PARN: variants seen among roughly 807,000 people sequenced by gnomAD.
PARN encodes poly(A)-specific ribonuclease PARN.
In PARN, 71 loss-of-function variants were observed where a neutral mutation model predicts 102.8. The ratio of observed to expected loss-of-function variants is 0.69; its 90% CI spans 0.57 to 0.84. PARN has a LOEUF of 0.84. Among genes scored for constraint, PARN ranks in the 40% least tolerant of loss-of-function variants. PARN has a pLI of 0.00. For missense variants in PARN, 782 were observed against 760.9 expected (o/e 1.03, Z -0.33); for synonymous variants, 261 against 252.9 (o/e 1.03, Z -0.30).
At position 14,599,919 on chromosome 16, in the gene PARN, G is replaced by A. The variant is rs374114285; in HGVS notation, c.825C>T (p.His275=). ...GCTCACTTACCGAATTAGCAATGGC[G>A]TGAATGACTCTAGAAAATCCCACAG... ...NDAVGFSRVI[H]AIANSGKLVI... The change falls in exon 12 of 24, where the codon CAC becomes CAT. Residue 275 remains histidine (H), a synonymous_variant. Transcript: ENST00000437198. The A allele has an allele frequency of 8.0e-4, 1,289 of 1,601,662 alleles. No individual in the cohort carries two copies. Among genetic ancestry groups the A allele is most frequent in the Non-Finnish European group, 9.0e-4 (1,050 of 1,172,338 alleles).
At chr16:14,449,810 T>A (rs1238262391) in intron 22 of PARN, among the ~76,000 whole-genome samples, 1 of 152,214 alleles carries the variant, frequency 6.6e-6, no homozygotes, top group East Asian at 1.9e-4. Context: ...GTTTTTAGAC[T>A]GGCAAAAACC....
At chr16:14,573,153 T>C (rs1414844292) in intron 18 of PARN, among the ~76,000 whole-genome samples, 1 of 152,164 alleles carries the variant, frequency 6.6e-6, no homozygotes, top group Non-Finnish European at 1.5e-5. Flanking sequence ...AGTGCTAGGA[T>C]TATAGGCATG....
In PARN at chr16:14,436,473, C is replaced by T. The variant is rs1195899883; in HGVS notation, c.*244G>A. On this transcript the variant is annotated 3_prime_UTR_variant, in exon 24 of 24. Transcript: ENST00000437198. ...CAACACGGAATTCACTGGTTAAGCA[C>T]GTACACATTCATGACAGCCTACAAC... is the stretch of plus-strand genomic sequence containing the variant. 18 of 566,846 alleles carry T rather than the reference C, an allele frequency of 3.2e-5. 1 individual carries two copies. The East Asian group carries it at 3.5e-4, about 11-fold the overall frequency. 35.1% of individuals were successfully genotyped at this position (566,846 alleles called of 1,614,324 possible). A position where few individuals can be genotyped will look rare whatever the true frequency, so the allele number is the denominator to read the frequency against.
chr16:14,576,603 T>TA (rs950647475), intron 18 of PARN, among the ~76,000 whole-genome samples: 60 of 152,346 alleles, frequency 3.9e-4, no homozygotes, highest in African/African-American at 1.4e-3. Context: ...ATCTTAACAT[T>TA]AAGTTTGGTT....
At chr16:14,464,289 A>G (rs1378595460) in intron 22 of PARN, among the ~76,000 whole-genome samples, 1 of 152,258 alleles carries the variant, frequency 6.6e-6, no homozygotes, top group African/African-American at 2.4e-5. Flanking sequence ...GAACTTGTAA[A>G]AAGTAGCCAC....
chr16:14,543,411 C>A (rs1966853390), intron 21 of PARN, among the ~76,000 whole-genome samples: 1 of 151,964 alleles, frequency 6.6e-6, no homozygotes. Flanking sequence ...AAATATCTGA[C>A]TAAATATTTT....
intron 22 of PARN, among the ~76,000 whole-genome samples, chr16:14,472,290 A>T (rs1962793719): frequency 6.6e-6 from 1 of 152,114 alleles, no homozygotes; most frequent in African/African-American, 2.4e-5. Context: ...CATTAACGAG[A>T]CTCTAGTTTT....
chr16:14,467,074 T>C lies in PARN; in HGVS notation c.1670+15564A>G, dbSNP rs142084053. Among the ~76,000 whole-genome samples the C allele has an allele frequency of 3.8e-3, 576 of 152,258 alleles. 5 individuals are homozygous for C. The highest frequency in any genetic ancestry group is 0.021 in the Middle Eastern group (6 of 290). On this transcript the variant is annotated intron_variant, in intron 22 of 23. Coordinates refer to ENST00000437198, the MANE Select transcript of PARN (RefSeq NM_002582.4). The stretch of plus-strand genomic sequence containing the variant: ...GCCCCTGCAGGCAAATGACCAGAAA[T>C]AAGAGGAAGCCATCAACCATGTGGA...
intron 23 of PARN, among the ~76,000 whole-genome samples, chr16:14,441,490 A>G (rs187426561): frequency 6.6e-6 from 1 of 152,350 alleles, no homozygotes; most frequent in Admixed American, 6.5e-5. Context: ...CAGAGTGGAC[A>G]TCCGTACACA....
At chr16:14,591,644 G>A (rs1398813580) in intron 13 of PARN, among the ~76,000 whole-genome samples, 1 of 152,116 alleles carries the variant, frequency 6.6e-6, no homozygotes, top group Non-Finnish European at 1.5e-5. Context: ...ACGTGCCAAC[G>A]TTCATTTTAA....
intron 9 of PARN, 42 bp downstream of exon 9, chr16:14,608,239 T>C (rs1183209369): frequency 7.2e-7 from 1 of 1,391,760 alleles, no homozygotes; most frequent in Non-Finnish European, 9.8e-7. Flanking sequence ...CTTTAAATCC[T>C]GGGTCCCCCA....
At position 14,584,665 on chromosome 16, in the gene PARN, C is replaced by G. The variant is rs1016938275; in HGVS notation, c.1005+84G>C. On this transcript the variant is annotated intron_variant, in intron 15 of 23. Transcript: ENST00000437198. ...ACAGATGCATTAAATACCTCCAAACCTTTTGCCAGAAGGCTATATTGTTCT... is the reference window on the plus strand; with the variant it reads ...ACAGATGCATTAAATACCTCCAAACGTTTTGCCAGAAGGCTATATTGTTCT... 4.0e-6 allele frequency: 4 copies of G among 992,734 alleles called. No homozygotes were observed. In the African/African-American group the frequency reaches 6.6e-5, roughly 16 times the overall value. 61.5% of individuals were successfully genotyped at this position (992,734 alleles called of 1,614,324 possible).
intron 21 of PARN, among the ~76,000 whole-genome samples, chr16:14,510,263 A>G (rs1965113975): frequency 6.6e-6 from 1 of 152,248 alleles, no homozygotes; most frequent in Admixed American, 6.5e-5. Flanking sequence ...GCCAAAAAAT[A>G]AGTCAACAAA....
intron 12 of PARN, among the ~76,000 whole-genome samples, chr16:14,594,608 C>A (rs1306691230): frequency 6.6e-6 from 1 of 152,030 alleles, no homozygotes; most frequent in Non-Finnish European, 1.5e-5. Context: ...CTCAGCAACT[C>A]GGGAGGCTGA....
intron 22 of PARN, among the ~76,000 whole-genome samples, chr16:14,481,390 T>C (rs1963372674): frequency 6.6e-6 from 1 of 152,248 alleles, no homozygotes; most frequent in Non-Finnish European, 1.5e-5. Flanking sequence ...CTCTATTTTT[T>C]ATAAATTCCA....
chr16:14,443,405 A>G (rs1371792415), intron 23 of PARN, among the ~76,000 whole-genome samples: 1 of 149,752 alleles, frequency 6.7e-6, no homozygotes, highest in East Asian at 2.0e-4. Context: ...CAATGGCATG[A>G]TCTCAGCTCA....
At chr16:14,507,483 G>C (rs1246720538) in intron 21 of PARN, among the ~76,000 whole-genome samples, 1 of 151,934 alleles carries the variant, frequency 6.6e-6, no homozygotes, top group Non-Finnish European at 1.5e-5. Context: ...CATAGCTTGG[G>C]CCCAGGAGTA....
At position 14,586,330 on chromosome 16, in the gene PARN, C is replaced by G; in HGVS notation, c.950G>C (p.Cys317Ser). ...AAAGAAAGCTTACCTGGGGAAAACACATGTTGTCATCTCTTTAAACTCACT... is the reference window on the plus strand; with the variant it reads ...AAAGAAAGCTTACCTGGGGAAAACAGATGTTGTCATCTCTTTAAACTCACT... ...DLSEFKEMTT[C>S]VFPRLLDTKL... is the part of the protein sequence containing the mutation. Residue 317 changes from cysteine (C) to serine (S), a missense_variant, in exon 14 of 24, where the codon TGT becomes TCT. Cys to Ser is a moderately radical substitution (Grantham distance 112). Coordinates refer to ENST00000437198, the MANE Select transcript of PARN (RefSeq NM_002582.4). 1 of 1,551,466 alleles carries G rather than the reference C, an allele frequency of 6.4e-7. No individual in the cohort carries two copies. The highest frequency in any genetic ancestry group is 8.8e-7 in the Non-Finnish European group (1 of 1,142,510).
chr16:14,490,909 A>G (rs1964026161), intron 21 of PARN, among the ~76,000 whole-genome samples: 1 of 152,194 alleles, frequency 6.6e-6, no homozygotes, highest in Non-Finnish European at 1.5e-5. Flanking sequence ...CAAGCTTTAA[A>G]AATCTTTAAA....
Sources: gnomAD v4.1 joint callset for allele counts (sites outside exome capture counted in the v4.1 genomes callset) on GRCh38, gnomAD v4.1.1 for gene constraint, MANE v1.5 for transcripts, NCBI Gene and HGNC (gene_info 2026-07-23, HGNC 2026-07-21) for gene names.